PRSS58: variants seen among roughly 807,000 people sequenced by gnomAD.
PRSS58 encodes protease, serine 58.
In PRSS58, 31 loss-of-function variants were observed where a neutral mutation model predicts 25.0. That is an observed-to-expected ratio of 1.24 (90% confidence interval 0.93 to 1.67). The LOEUF is 1.67. Among genes scored for constraint, PRSS58 ranks in the 40% most tolerant of loss-of-function variants. The pLI, the probability that PRSS58 is intolerant of heterozygous loss-of-function variation, is 0.00. For missense variants in PRSS58, 324 were observed against 287.9 expected, an observed-to-expected ratio of 1.13 and a Z score of -0.91; for synonymous variants, 119 against 106.1, an observed-to-expected ratio of 1.12 and a Z score of -0.75.
At chr7:142,257,840 T>G in intron 1 of PRSS58, 92 bp from the exon 2 acceptor site, 2 of 729,604 alleles carry the variant, frequency 2.7e-6, no homozygotes. Context: ...GTAGCAGGAT[T>G]CAGTTTTAGA....
chr7:142,255,628 G>A lies in PRSS58; in HGVS notation c.86C>T (p.Pro29Leu), dbSNP rs753780883. 15 of 1,613,824 alleles carry A rather than the reference G, an allele frequency of 9.3e-6. No homozygotes were observed. The highest frequency in any genetic ancestry group is 8.3e-5 in the Admixed American group (5 of 59,972). ...GTCAGATTTCAAATAGACCAAGTAA[G>A]GGGGAGTGGAGCTGACTGTGTAATC... is the stretch of plus-strand genomic sequence containing the variant. ...NPDYTVSSTPPYLVYLKSDYL... is the reference protein window; with the variant it reads ...NPDYTVSSTPLYLVYLKSDYL... The change falls in exon 3 of 6, where the codon CCT (proline) becomes CTT (leucine). Residue 29 changes from proline (P) to leucine (L), a missense_variant. Transcript: ENST00000547058.
chr7:142,252,833 G>A (rs573959328), intron 4 of PRSS58, among the ~76,000 whole-genome samples: 11 of 152,200 alleles, frequency 7.2e-5, no homozygotes, highest in African/African-American at 2.6e-4. Flanking sequence ...CAAATTCTTG[G>A]GAGTTACATG....
chr7:142,254,391 A>C (rs1490278940), intron 4 of PRSS58, among the ~76,000 whole-genome samples: 5 of 152,188 alleles, frequency 3.3e-5, no homozygotes, highest in African/African-American at 4.8e-5. Context: ...ATGAAACATG[A>C]GGCCTAGAAC....
chr7:142,253,072 A>C (rs565916097), intron 4 of PRSS58, among the ~76,000 whole-genome samples: 9 of 152,282 alleles, frequency 5.9e-5, no homozygotes, highest in African/African-American at 2.2e-4. Context: ...CTGTAATGCC[A>C]GCTACTTGGG....
intron 4 of PRSS58, among the ~76,000 whole-genome samples, chr7:142,253,849 C>T (rs1406445560): frequency 2.0e-5 from 3 of 152,112 alleles, no homozygotes; most frequent in Non-Finnish European, 4.4e-5. Flanking sequence ...AAACATACTG[C>T]TCACAGAAGG....
intron 4 of PRSS58, among the ~76,000 whole-genome samples, chr7:142,252,939 C>T (rs937161905): frequency 1.3e-5 from 2 of 152,224 alleles, no homozygotes; most frequent in African/African-American, 2.4e-5. Context: ...GTAATCCCAG[C>T]ACTTTGGTAG....
chr7:142,253,516 T>C lies in PRSS58; in HGVS notation c.437-905A>G, dbSNP rs77995710. On this transcript the variant is annotated intron_variant, in intron 4 of 5. Transcript: ENST00000547058. The stretch of plus-strand genomic sequence containing the variant: ...AAACAAAATGAGAAAAACAACAAAG[T>C]AGTATGAACACATGTGGCACGTGTT... 5.0e-3 allele frequency among the ~76,000 whole-genome samples: 762 copies of C among 152,312 alleles called. 5 individuals are homozygous for C. The highest frequency in any genetic ancestry group is 0.01 in the Middle Eastern group (3 of 294).
chr7:142,256,456 A>G (rs1215518638), intron 2 of PRSS58, among the ~76,000 whole-genome samples: 32 of 152,194 alleles, frequency 2.1e-4, no homozygotes, highest in Non-Finnish European at 1.8e-4. Flanking sequence ...GAGGGGTTTC[A>G]GGCAGTATTT....
At chr7:142,255,349 A>G (rs749118977) in intron 3 of PRSS58, 38 bp from the exon 4 acceptor site, 19 of 1,601,934 alleles carry the variant, frequency 1.2e-5, no homozygotes, top group Non-Finnish European at 1.5e-5. Flanking sequence ...GACTTAACAG[A>G]GATGGCTTCT....
chr7:142,255,079 A>G lies in PRSS58; in HGVS notation c.412T>C (p.Trp138Arg), dbSNP rs372725254. Reference protein sequence around the residue: ...SENTMCSVSTWSYNVCDIYKE... With the variant: ...SENTMCSVSTRSYNVCDIYKE... The stretch of plus-strand genomic sequence containing the variant: ...CAGATATCACACACATTGTAGCTCC[A>G]GGTAGAGACAGAGCACATGGTATTT... Residue 138 changes from tryptophan (W) to arginine (R), a missense_variant, in exon 4 of 6, where the codon TGG becomes CGG. Transcript: ENST00000547058. 1 of 1,613,642 alleles carries G rather than the reference A, an allele frequency of 6.2e-7. No individual in the cohort carries two copies. Among genetic ancestry groups the G allele is most frequent in the East Asian group, 2.2e-5 (1 of 44,896 alleles).
In PRSS58 at chr7:142,252,303, C is replaced by T; in HGVS notation, c.644G>A (p.Cys215Tyr). Residue 215 changes from cysteine to tyrosine, a missense_variant, in exon 6 of 6, where the codon TGT becomes TAT. Physicochemically the swap from Cys to Tyr is radical, Grantham distance 194. Transcript: ENST00000547058. ...LQGILSFADG[C>Y]VLRADVGIYA... The stretch of plus-strand genomic sequence containing the variant: ...GATGCCAACATCAGCTCTCAAAACA[C>T]ATCCATCCGCAAAAGACAGGATTCC... The T allele has an allele frequency of 6.2e-7, 1 of 1,614,144 alleles. No homozygotes were observed. The highest frequency in any genetic ancestry group is 8.5e-7 in the Non-Finnish European group (1 of 1,180,030).
chr7:142,256,140 A>G (rs1798552164), intron 2 of PRSS58, among the ~76,000 whole-genome samples: 1 of 152,238 alleles, frequency 6.6e-6, no homozygotes, highest in Non-Finnish European at 1.5e-5. Context: ...GAGGGGAAAA[A>G]TAATGTATTG....
intron 2 of PRSS58, 91 bp from the exon 3 acceptor site, chr7:142,255,764 C>A: frequency 8.6e-7 from 1 of 1,167,546 alleles, no homozygotes; most frequent in Non-Finnish European, 1.2e-6. Flanking sequence ...CTCCAAGTTC[C>A]CCTATCCTTT....
chr7:142,253,993 G>A (rs1194151960), intron 4 of PRSS58, among the ~76,000 whole-genome samples: 2 of 152,096 alleles, frequency 1.3e-5, no homozygotes, highest in Non-Finnish European at 2.9e-5. Context: ...TTGAATCATG[G>A]CAACAATGAT....
intron 4 of PRSS58, among the ~76,000 whole-genome samples, chr7:142,253,171 G>A (rs1798498050): frequency 6.6e-6 from 1 of 152,096 alleles, no homozygotes; most frequent in Non-Finnish European, 1.5e-5. Context: ...ACAAGAGTGA[G>A]ACTCCATCTC....
chr7:142,256,625 A>G (rs1440429222), intron 2 of PRSS58, among the ~76,000 whole-genome samples: 4 of 151,950 alleles, frequency 2.6e-5, no homozygotes, highest in African/African-American at 4.8e-5. Flanking sequence ...TAATTTTTAA[A>G]TTTTTTAATT....
In PRSS58 at chr7:142,255,557, T is replaced by C; in HGVS notation, c.157A>G (p.Thr53Ala). The C allele has an allele frequency of 2.5e-6, 4 of 1,614,088 alleles. No homozygotes were observed. The highest frequency in any genetic ancestry group is 3.4e-6 in the Non-Finnish European group (4 of 1,179,982). The change falls in exon 3 of 6, where the codon ACA (threonine) becomes GCA (alanine). Residue 53 changes from threonine to alanine, a missense_variant. Coordinates refer to ENST00000547058, the MANE Select transcript of PRSS58 (RefSeq NM_001001317.5). ...GVLIHPLWVI[T>A]AAHCNLPKLR... ...CACGGTAAATTGCAGTGTGCAGCTGTGATCACCCAAAGCGGGTGGATCAGG... is the reference window on the plus strand; with the variant it reads ...CACGGTAAATTGCAGTGTGCAGCTGCGATCACCCAAAGCGGGTGGATCAGG...
chr7:142,254,983 T>G, intron 4 of PRSS58, 72 bp downstream of exon 4: 1 of 1,460,594 alleles, frequency 6.8e-7, no homozygotes, highest in Non-Finnish European at 9.5e-7. Flanking sequence ...TAGGCCGAAT[T>G]GAAGAAGCCA....
Position 142,253,647 on chromosome 7 carries a change from G to C in PRSS58, c.437-1036C>G, listed in dbSNP as rs147374400. Among the ~76,000 whole-genome samples, 1,066 of 152,166 alleles carry C rather than the reference G, an allele frequency of 7.0e-3. 11 individuals carry two copies. The highest frequency in any genetic ancestry group is 0.025 in the African/African-American group (1,019 of 41,488). ...GTTTTTATTTGAAAATAATGTATTA[G>C]TTCTTGAAAAGAAAATGTATAAGAT... On this transcript the variant is annotated intron_variant, in intron 4 of 5. Coordinates refer to ENST00000547058, the MANE Select transcript of PRSS58 (RefSeq NM_001001317.5).
Sources: allele counts gnomAD v4.1 joint callset (sites outside exome capture counted in the v4.1 genomes callset), GRCh38; gene constraint gnomAD v4.1.1; transcripts MANE v1.5; gene names NCBI Gene and HGNC (gene_info 2026-07-23, HGNC 2026-07-21).